The following THSD4 variants were observed in gnomAD, a reference collection of about 807,000 sequenced individuals.
The protein encoded by THSD4 is thrombospondin type-1 domain-containing protein 4.
Under a neutral mutation model 119.0 loss-of-function variants are expected in THSD4, and 69 were observed. That is an observed-to-expected ratio of 0.58 (90% CI 0.48 to 0.71). THSD4 has a LOEUF of 0.71. THSD4 is among the 30% of genes least tolerant of loss of function. THSD4 has a pLI of 0.00. For synonymous variants in THSD4, 524 were observed against 540.4 expected (o/e 0.97, Z 0.42); for missense variants, 1,393 against 1,391.1 (o/e 1.00, Z -0.02).
chr15:71,328,389 G>A (rs965940342), intron 6 of THSD4, among the ~76,000 whole-genome samples: 1 of 152,178 alleles, frequency 6.6e-6, no homozygotes, highest in Non-Finnish European at 1.5e-5. Flanking sequence ...TGGTGGCTTT[G>A]CCCTCCCTTT....
At chr15:71,372,946 C>T (rs1264226837) in intron 6 of THSD4, among the ~76,000 whole-genome samples, 1 of 152,252 alleles carries the variant, frequency 6.6e-6, no homozygotes, top group Non-Finnish European at 1.5e-5. Context: ...TTCCTGGCTG[C>T]TTTGTTTACC....
chr15:71,439,210 C>G (rs768034028), intron 7 of THSD4, among the ~76,000 whole-genome samples: 17 of 152,174 alleles, frequency 1.1e-4, no homozygotes, highest in Non-Finnish European at 2.2e-4. Context: ...CGGTATCTTT[C>G]ACAAGTTTTG....
At chr15:71,411,137 GTAAT>G (rs1476914708) in intron 6 of THSD4, among the ~76,000 whole-genome samples, 3 of 152,120 alleles carry the variant, frequency 2.0e-5, no homozygotes, top group African/African-American at 7.2e-5. Flanking sequence ...TTGCACCAAC[GTAAT>G]TAATTATGAC....
At chr15:71,403,142 A>G (rs1295148397) in intron 6 of THSD4, among the ~76,000 whole-genome samples, 2 of 151,976 alleles carry the variant, frequency 1.3e-5, no homozygotes, top group Non-Finnish European at 2.9e-5. Context: ...AGTCCTGGCC[A>G]TTCTCTTTGC....
At chr15:71,652,447 G>A (rs188562175) in intron 7 of THSD4, among the ~76,000 whole-genome samples, 1 of 152,198 alleles carries the variant, frequency 6.6e-6, no homozygotes, top group African/African-American at 2.4e-5. Flanking sequence ...AATTATCACT[G>A]TCAAAAGCTA....
intron 4 of THSD4, among the ~76,000 whole-genome samples, chr15:71,221,952 G>C (rs969342769): frequency 6.6e-6 from 1 of 152,130 alleles, no homozygotes; most frequent in Non-Finnish European, 1.5e-5. Flanking sequence ...TGGGTGTGGG[G>C]TGGTATCTCA....
intron 7 of THSD4, among the ~76,000 whole-genome samples, chr15:71,423,001 G>A (rs764671068): frequency 1.3e-5 from 2 of 152,192 alleles, no homozygotes; most frequent in Non-Finnish European, 2.9e-5. Context: ...CTGCCAGGCT[G>A]TCGCTGATGT....
chr15:71,201,509 G>C (rs2043803500), intron 3 of THSD4, among the ~76,000 whole-genome samples: 1 of 152,150 alleles, frequency 6.6e-6, no homozygotes, highest in Admixed American at 6.5e-5. Context: ...GCTTGCCCAC[G>C]CAGTGCCTCC....
intron 7 of THSD4, among the ~76,000 whole-genome samples, chr15:71,480,890 T>C (rs2047720612): frequency 6.6e-6 from 1 of 152,232 alleles, no homozygotes; most frequent in Non-Finnish European, 1.5e-5. Flanking sequence ...TCATTTTTCA[T>C]TGTAAACACA....
At chr15:71,198,598 G>A (rs531018249) in intron 3 of THSD4, among the ~76,000 whole-genome samples, 1 of 152,358 alleles carries the variant, frequency 6.6e-6, no homozygotes, top group South Asian at 2.1e-4. Flanking sequence ...TTCAAGTGTA[G>A]CTTTGGCCTA....
intron 7 of THSD4, among the ~76,000 whole-genome samples, chr15:71,501,430 C>A (rs896388655): frequency 3.3e-5 from 5 of 152,198 alleles, no homozygotes; most frequent in African/African-American, 4.8e-5. Context: ...GTGGGTTTAT[C>A]TGATTTCCAA....
At chr15:71,766,966 G>C (rs1362381948) in intron 16 of THSD4, 1 of 152,202 alleles carries the variant, frequency 6.6e-6, no homozygotes, top group African/African-American at 2.4e-5. Context: ...GTGCCTGCTG[G>C]AGGATGGGGT....
chr15:71,241,800 T>G (rs967527794), intron 4 of THSD4, among the ~76,000 whole-genome samples: 3 of 152,210 alleles, frequency 2.0e-5, no homozygotes, highest in African/African-American at 7.2e-5. Flanking sequence ...TAAACCAGGC[T>G]TGTCCAACCC....
At chr15:71,591,757 A>G (rs979002854) in intron 7 of THSD4, among the ~76,000 whole-genome samples, 4 of 152,156 alleles carry the variant, frequency 2.6e-5, no homozygotes, top group Non-Finnish European at 4.4e-5. Context: ...AAAAAAATCA[A>G]TAAATCCAGA....
intron 14 of THSD4, among the ~76,000 whole-genome samples, chr15:71,757,428 T>A (rs560599598): frequency 1.7e-4 from 25 of 151,120 alleles, no homozygotes; most frequent in African/African-American, 6.1e-4. Context: ...TATATATATT[T>A]TTTTATTTTT....
intron 6 of THSD4, among the ~76,000 whole-genome samples, chr15:71,287,941 A>T (rs979019204): frequency 9.2e-5 from 14 of 152,186 alleles, no homozygotes; most frequent in African/African-American, 9.6e-5. Context: ...AATTTGGGAA[A>T]TTTTTTTGAG....
intron 7 of THSD4, among the ~76,000 whole-genome samples, chr15:71,553,326 C>CT (rs11288031): frequency 1.2e-3 from 160 of 133,476 alleles, no homozygotes; most frequent in Middle Eastern, 4.1e-3. Flanking sequence ...TTCTACTAGA[C>CT]TTTTTTTTTT....
intron 1 of THSD4, among the ~76,000 whole-genome samples, chr15:71,134,891 C>T (rs1485112983): frequency 6.6e-6 from 1 of 151,448 alleles, no homozygotes; most frequent in African/African-American, 2.4e-5. Context: ...GACTATAAAT[C>T]ATGCTGCTAT....
intron 6 of THSD4, among the ~76,000 whole-genome samples, chr15:71,389,827 T>TTTTTTTTTTTTTG (rs56316633): frequency 3.7e-4 from 53 of 142,986 alleles, no homozygotes; most frequent in African/African-American, 1.3e-3. Flanking sequence ...TTTTTTTTTT[T>TTTTTTTTTTTTTG]GACACAGAGT....
Sources: allele counts gnomAD v4.1 joint callset (sites outside exome capture counted in the v4.1 genomes callset), GRCh38; gene constraint gnomAD v4.1.1; transcripts MANE v1.5; gene names NCBI Gene and HGNC (gene_info 2026-07-23, HGNC 2026-07-21).